The following TAFA1 variants were observed in gnomAD, a reference collection of about 807,000 sequenced individuals.
TAFA1 encodes the protein chemokine-like protein TAFA-1.
TAFA1 carries 4 observed loss-of-function variants against 18.5 expected under a neutral mutation model. The observed-to-expected ratio is 0.22, with a 90% confidence interval of 0.11 to 0.49. The LOEUF (loss-of-function observed/expected upper bound fraction) is 0.49, where lower values mean the gene tolerates loss of function less well. Among genes scored for constraint, TAFA1 ranks in the 20% least tolerant of loss-of-function variants. TAFA1 has a pLI of 0.98. For missense variants in TAFA1, 147 were observed against 169.0 expected (o/e 0.87, Z 0.72); for synonymous variants, 56 against 55.2 (o/e 1.01, Z -0.06).
chr3:68,455,116 A>G (rs1575882213), intron 3 of TAFA1, among the ~76,000 whole-genome samples: 1 of 152,222 alleles, frequency 6.6e-6, no homozygotes, highest in East Asian at 1.9e-4. Flanking sequence ...TATTAAAGTC[A>G]TAAGAAAGAG....
chr3:68,231,397 A>G (rs1242402971), intron 2 of TAFA1, among the ~76,000 whole-genome samples: 1 of 113,050 alleles, frequency 8.8e-6, no homozygotes, highest in African/African-American at 3.5e-5. Context: ...TCTGTCGCCC[A>G]GGCCGGACTG....
chr3:68,539,229 G>A (rs1350422986), intron 4 of TAFA1, among the ~76,000 whole-genome samples: 1 of 152,124 alleles, frequency 6.6e-6, no homozygotes, highest in East Asian at 1.9e-4. Flanking sequence ...TCATCCAGAT[G>A]GTTTGCTGAA....
At chr3:68,389,622 A>G (rs2070181506) in intron 2 of TAFA1, among the ~76,000 whole-genome samples, 1 of 152,158 alleles carries the variant, frequency 6.6e-6, no homozygotes, top group Admixed American at 6.5e-5. Flanking sequence ...CAACAACAGC[A>G]GAGAAGGCGG....
intron 3 of TAFA1, among the ~76,000 whole-genome samples, chr3:68,420,346 A>C (rs930364652): frequency 6.6e-6 from 1 of 152,106 alleles, no homozygotes; most frequent in African/African-American, 2.4e-5. Flanking sequence ...TGCAGCCTCA[A>C]ACTGCCAGGT....
At chr3:68,370,238 A>G (rs1455302716) in intron 2 of TAFA1, among the ~76,000 whole-genome samples, 1 of 120,168 alleles carries the variant, frequency 8.3e-6, no homozygotes. Flanking sequence ...CAGTGAGCCA[A>G]GGTCACGCCA....
intron 2 of TAFA1, among the ~76,000 whole-genome samples, chr3:68,139,217 C>T (rs867892788): frequency 5.9e-5 from 9 of 151,940 alleles, no homozygotes; most frequent in Admixed American, 2.0e-4. Flanking sequence ...ATTGACATAC[C>T]GAATATCAGG....
In TAFA1 at chr3:68,410,851, C is replaced by T. The variant is rs185634070; in HGVS notation, c.119-6429C>T. Among the ~76,000 whole-genome samples, 593 of 151,900 alleles carry T rather than the reference C, an allele frequency of 3.9e-3. 1 individual carries two copies. Among genetic ancestry groups the T allele is most frequent in the Middle Eastern group, 6.9e-3 (2 of 290 alleles). Reference sequence around the variant, plus strand: ...ATTTAGAAATGGATAGGCATTGACACCAAGGAAAAGTCCGAAAGATATTTG... The same window carrying T: ...ATTTAGAAATGGATAGGCATTGACATCAAGGAAAAGTCCGAAAGATATTTG... On this transcript the variant is annotated intron_variant, in intron 2 of 4. Coordinates refer to ENST00000478136, the MANE Select transcript of TAFA1 (RefSeq NM_213609.4).
intron 3 of TAFA1, among the ~76,000 whole-genome samples, chr3:68,530,774 A>T (rs1343601098): frequency 6.6e-6 from 1 of 152,214 alleles, no homozygotes; most frequent in Non-Finnish European, 1.5e-5. Context: ...AGATCAAAAA[A>T]AAAGTGTGAT....
intron 2 of TAFA1, among the ~76,000 whole-genome samples, chr3:68,329,066 G>T (rs752275352): frequency 4.0e-5 from 6 of 149,664 alleles, no homozygotes; most frequent in Non-Finnish European, 4.4e-5. Flanking sequence ...GAAGTAAACA[G>T]TCTTGCTTGT....
chr3:68,537,516 A>G (rs376487407), intron 3 of TAFA1, among the ~76,000 whole-genome samples: 122 of 152,330 alleles, frequency 8.0e-4, no homozygotes, highest in African/African-American at 2.4e-3. Flanking sequence ...CAGCCCTCAG[A>G]GAAAATAGCT....
chr3:68,052,690 T>C (rs890081552), intron 2 of TAFA1, among the ~76,000 whole-genome samples: 5 of 152,230 alleles, frequency 3.3e-5, no homozygotes, highest in African/African-American at 1.2e-4. Flanking sequence ...CAAATATTTA[T>C]TGTTTCCATT....
At chr3:68,045,614 T>A (rs1705251501) in intron 2 of TAFA1, among the ~76,000 whole-genome samples, 1 of 152,084 alleles carries the variant, frequency 6.6e-6, no homozygotes, top group Non-Finnish European at 1.5e-5. Flanking sequence ...TCTTGAGACT[T>A]GAGTCCTAGT....
intron 2 of TAFA1, among the ~76,000 whole-genome samples, chr3:68,302,300 T>A (rs2068319101): frequency 6.6e-6 from 1 of 152,180 alleles, no homozygotes; most frequent in African/African-American, 2.4e-5. Flanking sequence ...GGCAGTTAAA[T>A]TCAGTGACTA....
chr3:68,329,424 G>A (rs981168576), intron 2 of TAFA1, among the ~76,000 whole-genome samples: 1 of 151,770 alleles, frequency 6.6e-6, no homozygotes, highest in Admixed American at 6.6e-5. Flanking sequence ...TCCAAAGACT[G>A]CCCCTCAAGG....
chr3:68,172,532 A>G (rs1474115798), intron 2 of TAFA1, among the ~76,000 whole-genome samples: 1 of 152,178 alleles, frequency 6.6e-6, no homozygotes, highest in Non-Finnish European at 1.5e-5. Context: ...TGTGATCCAG[A>G]GATTCCACTG....
intron 2 of TAFA1, among the ~76,000 whole-genome samples, chr3:68,325,075 AGT>A (rs1204429900): frequency 2.0e-5 from 3 of 151,904 alleles, no homozygotes; most frequent in African/African-American, 7.3e-5. Flanking sequence ...ACCAGTCAAG[AGT>A]GTGTCTGTCT....
intron 2 of TAFA1, among the ~76,000 whole-genome samples, chr3:68,173,729 G>A (rs995846357): frequency 2.0e-5 from 3 of 151,990 alleles, no homozygotes; most frequent in African/African-American, 7.2e-5. Context: ...CTTGTAAATA[G>A]GCAACATGGT....
At chr3:68,122,045 C>G (rs910685916) in intron 2 of TAFA1, among the ~76,000 whole-genome samples, 1 of 152,150 alleles carries the variant, frequency 6.6e-6, no homozygotes, top group Admixed American at 6.5e-5. Flanking sequence ...TCACAGCTAT[C>G]TCATGAGGTG....
chr3:68,388,655 T>C (rs908159058), intron 2 of TAFA1, among the ~76,000 whole-genome samples: 4 of 152,174 alleles, frequency 2.6e-5, no homozygotes, highest in Non-Finnish European at 4.4e-5. Context: ...AGGATCTTTG[T>C]TTTGTCATAC....
Sources: gnomAD v4.1 joint callset for allele counts (sites outside exome capture counted in the v4.1 genomes callset) on GRCh38, gnomAD v4.1.1 for gene constraint, MANE v1.5 for transcripts, NCBI Gene and HGNC (gene_info 2026-07-23, HGNC 2026-07-21) for gene names.